FNBP1: variants seen among roughly 807,000 people sequenced by gnomAD.
FNBP1 encodes formin-binding protein 1.
FNBP1 carries 26 observed loss-of-function variants against 90.6 expected under a neutral mutation model. That is an observed-to-expected ratio of 0.29 (90% CI 0.21 to 0.40). The LOEUF is 0.40. Ranked by LOEUF, FNBP1 falls within the 10% of genes least tolerant of loss-of-function variation. The pLI is 1.00. For missense variants in FNBP1, 635 were observed against 768.0 expected, an observed-to-expected ratio of 0.83 and a Z score of 2.05; for synonymous variants, 260 against 265.2, an observed-to-expected ratio of 0.98 and a Z score of 0.19.
At chr9:130,036,319 A>G (rs898545651) in intron 1 of FNBP1, among the ~76,000 whole-genome samples, 4 of 152,208 alleles carry the variant, frequency 2.6e-5, no homozygotes, top group African/African-American at 9.6e-5. Context: ...GTGATACTTG[A>G]ATAGTCCTTC....
intron 11 of FNBP1, among the ~76,000 whole-genome samples, chr9:129,912,296 G>A (rs192814998): frequency 3.3e-5 from 5 of 152,204 alleles, no homozygotes; most frequent in Non-Finnish European, 5.9e-5. Flanking sequence ...GAGGAAAAAC[G>A]GTTTGAGTTT....
intron 6 of FNBP1, among the ~76,000 whole-genome samples, chr9:129,953,164 C>T (rs1031660587): frequency 1.3e-5 from 2 of 152,188 alleles, no homozygotes; most frequent in African/African-American, 2.4e-5. Flanking sequence ...CAAACTCATA[C>T]AGATTTCCCA....
intron 1 of FNBP1, among the ~76,000 whole-genome samples, chr9:130,032,976 T>C (rs1281579707): frequency 6.6e-6 from 1 of 152,190 alleles, no homozygotes; most frequent in African/African-American, 2.4e-5. Context: ...ATTAGGTTTA[T>C]TGTATTGTTA....
In FNBP1 at chr9:130,025,179, C is replaced by CA. The variant is rs36033580; in HGVS notation, c.24+17772dup. ...TGGGTGACAGAACGAGACTCTATCT[C>CA]AAAAAAAAAAATAGTCCCTGACATT... On this transcript the variant is annotated intron_variant, in intron 1 of 16. Transcript: ENST00000446176. Among the ~76,000 whole-genome samples, 78 of 145,084 alleles carry CA rather than the reference C, an allele frequency of 5.4e-4. 1 individual carries two copies. The highest frequency in any genetic ancestry group is 1.4e-3 in the African/African-American group (56 of 39,578).
chr9:130,042,870 C>T lies in FNBP1; in HGVS notation c.24+82G>A, dbSNP rs1269004599. 3.9e-6 allele frequency: 4 copies of T among 1,014,462 alleles called. No individual in the cohort carries two copies. In the African/African-American group the frequency reaches 5.0e-5, roughly 13 times the overall value. 62.8% of individuals were successfully genotyped at this position (1,014,462 alleles called of 1,614,324 possible). Reference sequence around the variant, plus strand: ...GCGCGCCCTCGCCTCCGCCCAGCAGCGCGGCCCGCGCCCCCTCCCCAGGCC... The same window carrying T: ...GCGCGCCCTCGCCTCCGCCCAGCAGTGCGGCCCGCGCCCCCTCCCCAGGCC... On this transcript the variant is annotated intron_variant, in intron 1 of 16. Coordinates refer to ENST00000446176, the MANE Select transcript of FNBP1 (RefSeq NM_015033.3). This position sits in a 1 kb window ranked among gnomAD's most constrained non-coding sequence, Gnocchi z 5.5.
rs2058806144 is a variant in FNBP1 at position 130,031,622 on chromosome 9, T to C, written c.24+11330A>G. Among the ~76,000 whole-genome samples the C allele has an allele frequency of 6.6e-6, 1 of 152,176 alleles. No homozygotes were observed. The stretch of plus-strand genomic sequence containing the variant: ...ACTCCTGTACACATTTCCATGGAGT[T>C]ACCCTACCTTAGTCCTTATTACACA... On this transcript the variant is annotated intron_variant, in intron 1 of 16. Transcript: ENST00000446176. The surrounding 1 kb of genome is among the most constrained non-coding windows in gnomAD (Gnocchi z 4.2).
intron 11 of FNBP1, among the ~76,000 whole-genome samples, chr9:129,913,989 G>A (rs546366269): frequency 5.7e-4 from 87 of 151,756 alleles, no homozygotes; most frequent in African/African-American, 2.0e-3. Context: ...CAGTATAGCT[G>A]GGACCACAGG....
At chr9:129,913,903 C>T (rs1564311294) in intron 11 of FNBP1, among the ~76,000 whole-genome samples, 1 of 150,612 alleles carries the variant, frequency 6.6e-6, no homozygotes, top group East Asian at 1.9e-4. Context: ...TTTTTTGAGA[C>T]AGGGTTTCAT....
intron 2 of FNBP1, among the ~76,000 whole-genome samples, chr9:129,985,666 G>A (rs891539131): frequency 2.7e-4 from 41 of 151,948 alleles, no homozygotes; most frequent in Non-Finnish European, 4.1e-4. Context: ...AAATACAAAA[G>A]CTAGCCAGCC....
intron 2 of FNBP1, among the ~76,000 whole-genome samples, chr9:129,988,331 GAA>G (rs2052605468): frequency 6.6e-6 from 1 of 151,358 alleles, no homozygotes; most frequent in African/African-American, 2.5e-5. Context: ...ATACTACCTT[GAA>G]TAGATAGTGA....
intron 6 of FNBP1, among the ~76,000 whole-genome samples, chr9:129,948,356 C>CTTTTTTTTGTTTTTTTTTTTTTTTT (rs2045647818): frequency 1.6e-5 from 1 of 64,430 alleles, no homozygotes. Context: ...ATTTTGGTGT[C>CTTTTTTTTGTTTTTTTTTTTTTTTT]TTTTTTTTTT....
chr9:129,988,994 A>G (rs140990247), intron 2 of FNBP1, among the ~76,000 whole-genome samples: 20 of 152,286 alleles, frequency 1.3e-4, no homozygotes, highest in Non-Finnish European at 2.8e-4. Context: ...TCAACCAAGT[A>G]TCTGTTGAAT....
At chr9:130,016,324 C>T (rs1451703867) in intron 1 of FNBP1, among the ~76,000 whole-genome samples, 1 of 152,132 alleles carries the variant, frequency 6.6e-6, no homozygotes, top group Non-Finnish European at 1.5e-5. Flanking sequence ...ACTCCACTTA[C>T]CAGGAGGTGC....
In FNBP1 at chr9:130,005,491, G is replaced by T. The variant is rs562180913; in HGVS notation, c.25-10533C>A. On this transcript the variant is annotated intron_variant, in intron 1 of 16. Transcript: ENST00000446176. ...CGAGTAGCTGGGACTACAGACGCCC[G>T]CCACCACACCCGGCTAATTTTTTGT... Among the ~76,000 whole-genome samples, 38 of 151,648 alleles carry T rather than the reference G, an allele frequency of 2.5e-4. 1 individual carries two copies. The East Asian group carries it at 7.1e-3, about 28-fold the overall frequency.
At chr9:129,965,817 G>GGAAGGA (rs2048540900) in intron 4 of FNBP1, among the ~76,000 whole-genome samples, 1 of 99,444 alleles carries the variant, frequency 1.0e-5, no homozygotes, top group Admixed American at 1.1e-4. Context: ...GGGAGGGAGG[G>GGAAGGA]AGGAAGGAAG....
chr9:129,942,959 C>T (rs1375825388), intron 6 of FNBP1, among the ~76,000 whole-genome samples: 2 of 151,988 alleles, frequency 1.3e-5, no homozygotes, highest in South Asian at 4.1e-4. Context: ...TCCCAAAATG[C>T]TAGAATTATA....
chr9:129,904,563 G>A (rs2037607417), intron 12 of FNBP1, among the ~76,000 whole-genome samples: 1 of 152,186 alleles, frequency 6.6e-6, no homozygotes, highest in African/African-American at 2.4e-5. Context: ...TCTGAGTCAT[G>A]AGAAATAGTT....
At chr9:129,955,298 A>AT (rs1380712382) in intron 6 of FNBP1, among the ~76,000 whole-genome samples, 14 of 151,804 alleles carry the variant, frequency 9.2e-5, no homozygotes, top group African/African-American at 3.4e-4. Context: ...CAGCAGCAGG[A>AT]TTGTGGCTCA....
intron 1 of FNBP1, among the ~76,000 whole-genome samples, chr9:129,995,889 G>A (rs1244356214): frequency 6.6e-6 from 1 of 152,170 alleles, no homozygotes; most frequent in East Asian, 1.9e-4. Context: ...TCTCCAGCAG[G>A]CACAAGAGGA....
Sources: allele counts gnomAD v4.1 joint callset (sites outside exome capture counted in the v4.1 genomes callset), GRCh38; gene constraint gnomAD v4.1.1; non-coding constraint Gnocchi (gnomAD v3.1); transcripts MANE v1.5; gene names NCBI Gene and HGNC (gene_info 2026-07-23, HGNC 2026-07-21).